The following DROSHA variants were observed in gnomAD, a reference collection of about 807,000 sequenced individuals.
DROSHA encodes the protein drosha ribonuclease III, also known as ribonuclease 3.
A neutral mutation model predicts 181.9 loss-of-function variants in DROSHA; 56 were observed. The ratio of observed to expected loss-of-function variants is 0.31; its 90% confidence interval spans 0.25 to 0.38. The LOEUF is 0.38. DROSHA is among the 10% of genes least tolerant of loss of function. DROSHA has a pLI of 1.00. For synonymous variants in DROSHA, 524 were observed against 591.2 expected, an observed-to-expected ratio of 0.89 and a Z score of 1.65; for missense variants, 1,218 against 1,743.5, an observed-to-expected ratio of 0.70 and a Z score of 5.37.
At chr5:31,431,777 TG>T (rs1278152363) in intron 25 of DROSHA, 99 bp from the exon 26 acceptor site, 5 of 1,036,006 alleles carry the variant, frequency 4.8e-6, no homozygotes, top group Non-Finnish European at 4.4e-6. Context: ...GGAGACGAGA[TG>T]GGGGCAGCGT....
rs1431119597 is a variant in DROSHA, at chr5:31,470,792, C to G, written c.2241+1271G>C. Among the ~76,000 whole-genome samples, 1 of 152,000 alleles carries G rather than the reference C, an allele frequency of 6.6e-6. No individual in the cohort carries two copies. Among genetic ancestry groups the G allele is most frequent in the Non-Finnish European group, 1.5e-5 (1 of 68,008 alleles). On this transcript the variant is annotated intron_variant, in intron 17 of 35. Coordinates refer to ENST00000344624, the MANE Select transcript of DROSHA (RefSeq NM_001382508.1). This position sits in a 1 kb window ranked among gnomAD's most constrained non-coding sequence, Gnocchi z 4.0. ...GGAAGTCCAGGGTGAACGTGCTCCC[C>G]CCGTGTCTACCACAGAACATGGAAC...
rs548037348 is a variant in DROSHA at position 31,490,808 on chromosome 5, T to C, written c.1842+2399A>G. 2.0e-5 allele frequency among the ~76,000 whole-genome samples: 3 copies of C among 152,334 alleles called. No individual in the cohort carries two copies. The East Asian group carries it at 5.8e-4, about 29-fold the overall frequency. ...TTTGATGGATCTAATTCCTATGAACTGCACAACAGTCAGCTTAAAACTCTA... is the reference window on the plus strand; with the variant it reads ...TTTGATGGATCTAATTCCTATGAACCGCACAACAGTCAGCTTAAAACTCTA... On this transcript the variant is annotated intron_variant, in intron 13 of 35. Coordinates refer to ENST00000344624, the MANE Select transcript of DROSHA (RefSeq NM_001382508.1).
At chr5:31,422,741 TCA>T in intron 29 of DROSHA, 44 bp downstream of exon 29, 1 of 1,607,188 alleles carries the variant, frequency 6.2e-7, no homozygotes, top group South Asian at 1.1e-5. Context: ...TGGGACTGCC[TCA>T]TCTAAATGGT....
chr5:31,468,109 T>C (rs1689740783), intron 17 of DROSHA, 46 bp from the exon 18 acceptor site: 1 of 1,572,754 alleles, frequency 6.4e-7, no homozygotes, highest in South Asian at 1.2e-5. Context: ...GAAGTCTTTA[T>C]GTATTGACTT....
Position 31,464,313 on chromosome 5 carries a change from T to A in DROSHA, c.2497A>T (p.Thr833Ser). The stretch of plus-strand genomic sequence containing the variant: ...TCCACCGTTACTTCTCGTCTCATTG[T>A]ATTCTTCTGCCGTATTTTTTGGAGG... ...EALQKIRQKN[T>S]MRREVTVELS... The change falls in exon 20 of 36, where the codon ACA (threonine) becomes TCA (serine). Residue 833 changes from threonine to serine, a missense_variant. Thr to Ser is a moderately conservative substitution (Grantham distance 58). Coordinates refer to ENST00000344624, the MANE Select transcript of DROSHA (RefSeq NM_001382508.1). The A allele has an allele frequency of 6.2e-7, 1 of 1,613,448 alleles. No individual in the cohort carries two copies. The highest frequency in any genetic ancestry group is 1.1e-5 in the South Asian group (1 of 91,038).
Position 31,405,667 on chromosome 5 carries a change from A to G in DROSHA, c.3994+10T>C. 1 of 1,553,580 alleles carries G rather than the reference A, an allele frequency of 6.4e-7. No homozygotes were observed. Among genetic ancestry groups the G allele is most frequent in the Non-Finnish European group, 8.7e-7 (1 of 1,151,074 alleles). On this transcript the variant is annotated intron_variant, in intron 35 of 35. Coordinates refer to ENST00000344624, the MANE Select transcript of DROSHA (RefSeq NM_001382508.1). ...TATGAACATAATTATAGAAAAAAAA[A>G]CAGGCTTACATTTTTCAAGCGCATC...
intron 16 of DROSHA, among the ~76,000 whole-genome samples, chr5:31,480,658 A>C (rs944458498): frequency 2.6e-5 from 4 of 152,198 alleles, no homozygotes; most frequent in African/African-American, 9.7e-5. Context: ...TGAAAAGCAC[A>C]CTCACTAGTA....
At chr5:31,424,588 T>C (rs898329821) in intron 27 of DROSHA, 117 bp from the exon 28 acceptor site, 8 of 1,301,656 alleles carry the variant, frequency 6.1e-6, no homozygotes, top group Admixed American at 2.7e-5. Flanking sequence ...ACTCCACTTA[T>C]GGCAAATTCA....
chr5:31,530,817 T>C lies in DROSHA; in HGVS notation c.-66A>G, dbSNP rs1741221088. ...ACTTACCAGAGACTGCCTCATATCATAGTGAAGTATGCACACGTCTAACTC... is the reference window on the plus strand; with the variant it reads ...ACTTACCAGAGACTGCCTCATATCACAGTGAAGTATGCACACGTCTAACTC... On this transcript the variant is annotated 5_prime_UTR_variant, in exon 3 of 36. The change abolishes an upstream ATG in the 5' untranslated region. Coordinates refer to ENST00000344624, the MANE Select transcript of DROSHA (RefSeq NM_001382508.1). The C allele has an allele frequency of 2.5e-6, 1 of 398,480 alleles. No homozygotes were observed. The highest frequency in any genetic ancestry group is 4.4e-6 in the Non-Finnish European group (1 of 226,036). The allele number at this position is 398,480 out of a possible 1,614,324, so 24.7% of individuals were successfully genotyped here. A position where few individuals can be genotyped will look rare whatever the true frequency, so the allele number is the denominator to read the frequency against.
intron 20 of DROSHA, among the ~76,000 whole-genome samples, chr5:31,459,210 T>C (rs1748056135): frequency 6.6e-6 from 1 of 152,180 alleles, no homozygotes; most frequent in Non-Finnish European, 1.5e-5. Context: ...CTCTTGCATC[T>C]TGTATGTTTT....
chr5:31,445,624 C>A (rs1405365913), intron 23 of DROSHA, among the ~76,000 whole-genome samples: 1 of 151,862 alleles, frequency 6.6e-6, no homozygotes, highest in Admixed American at 6.6e-5. Flanking sequence ...GGGAGGCATC[C>A]CAGGAAAGCC....
chr5:31,443,208 G>C (rs1224253971), intron 23 of DROSHA, among the ~76,000 whole-genome samples: 1 of 151,806 alleles, frequency 6.6e-6, no homozygotes, highest in Non-Finnish European at 1.5e-5. Flanking sequence ...TTAGTAGAGA[G>C]GGTTTCATCA....
intron 6 of DROSHA, among the ~76,000 whole-genome samples, chr5:31,517,875 G>A (rs887587342): frequency 8.6e-5 from 13 of 151,954 alleles, no homozygotes; most frequent in Admixed American, 7.9e-4. Context: ...AGACGAACCT[G>A]GGCAACATAG....
intron 29 of DROSHA, among the ~76,000 whole-genome samples, chr5:31,422,262 CA>C (rs1742849966): frequency 6.6e-6 from 1 of 151,594 alleles, no homozygotes; most frequent in Non-Finnish European, 1.5e-5. Flanking sequence ...AAAAAATGAA[CA>C]AAAAACAACC....
intron 21 of DROSHA, among the ~76,000 whole-genome samples, chr5:31,449,775 A>T (rs1561180086): frequency 1.3e-5 from 2 of 152,170 alleles, no homozygotes; most frequent in Non-Finnish European, 1.5e-5. Context: ...CCATCTTTGT[A>T]TCATCCCAAA....
chr5:31,472,054 A>AG lies in DROSHA; in HGVS notation c.2241+8dup. ...TCCAGCCTCTGAATATACAGACACC[A>AG]GAACATACCGTCCCAGGGTTGGTAA... On this transcript the variant is annotated intron_variant, in intron 17 of 35. Coordinates refer to ENST00000344624, the MANE Select transcript of DROSHA (RefSeq NM_001382508.1). 6.2e-7 allele frequency: 1 copy of AG among 1,612,738 alleles called. No homozygotes were observed.
intron 23 of DROSHA, among the ~76,000 whole-genome samples, chr5:31,444,065 G>A (rs1745970078): frequency 6.6e-6 from 1 of 152,192 alleles, no homozygotes; most frequent in South Asian, 2.1e-4. Flanking sequence ...ATTTGAGCAG[G>A]ATATTACAAG....
At chr5:31,439,560 C>T (rs1745309428) in intron 23 of DROSHA, among the ~76,000 whole-genome samples, 1 of 152,274 alleles carries the variant, frequency 6.6e-6, no homozygotes, top group African/African-American at 2.4e-5. Flanking sequence ...GGTGTACAGA[C>T]AGCATGTTGT....
chr5:31,425,390 T>A (rs1392321240), intron 27 of DROSHA, among the ~76,000 whole-genome samples: 1 of 152,192 alleles, frequency 6.6e-6, no homozygotes, highest in Non-Finnish European at 1.5e-5. Context: ...TGGGGCACTT[T>A]AAAGGACTTC....
Sources: gnomAD v4.1 joint callset for allele counts (sites outside exome capture counted in the v4.1 genomes callset) on GRCh38, gnomAD v4.1.1 for gene constraint, Gnocchi (gnomAD v3.1) non-coding constraint, MANE v1.5 for transcripts, NCBI Gene and HGNC (gene_info 2026-07-23, HGNC 2026-07-21) for gene names.